Variants in KCNC2 observed in about 807,000 individuals in gnomAD.
KCNC2 encodes the protein potassium voltage-gated channel subfamily C member 2.
A neutral mutation model predicts 44.5 loss-of-function variants in KCNC2; 21 were observed. The observed-to-expected ratio is 0.47, with a 90% confidence interval of 0.33 to 0.68. The LOEUF (loss-of-function observed/expected upper bound fraction) is 0.68. KCNC2 is among the 30% of genes least tolerant of loss of function. The pLI, the probability that KCNC2 is intolerant of heterozygous loss-of-function variation, is 0.01. For synonymous variants in KCNC2, 391 were observed against 339.1 expected, an observed-to-expected ratio of 1.15 and a Z score of -1.68; for missense variants, 589 against 826.2, an observed-to-expected ratio of 0.71 and a Z score of 3.52.
chr12:75,045,426 T>C (rs1880378854), intron 4 of KCNC2, among the ~76,000 whole-genome samples: 1 of 151,988 alleles, frequency 6.6e-6, no homozygotes, highest in Non-Finnish European at 1.5e-5. Context: ...TGAAAAGGCT[T>C]CCTTTCTAAT....
At chr12:75,161,981 A>T (rs1421093145) in intron 2 of KCNC2, among the ~76,000 whole-genome samples, 2 of 151,720 alleles carry the variant, frequency 1.3e-5, no homozygotes, top group African/African-American at 4.8e-5. Context: ...TATATTCCCA[A>T]CATGTATACC....
intron 2 of KCNC2, among the ~76,000 whole-genome samples, chr12:75,205,586 C>T (rs1428366446): frequency 6.6e-6 from 1 of 152,036 alleles, no homozygotes; most frequent in East Asian, 1.9e-4. Flanking sequence ...ATCTGGCCTA[C>T]AATAAGATGT....
intron 2 of KCNC2, among the ~76,000 whole-genome samples, chr12:75,069,509 C>T (rs374618124): frequency 1.3e-4 from 20 of 152,018 alleles, no homozygotes; most frequent in African/African-American, 3.9e-4. Context: ...TGATTCATTC[C>T]GGCAGACTAA....
At chr12:75,081,677 G>T (rs909285338) in intron 2 of KCNC2, among the ~76,000 whole-genome samples, 4 of 151,964 alleles carry the variant, frequency 2.6e-5, no homozygotes, top group African/African-American at 9.6e-5. Context: ...CCAGATAATA[G>T]AGTCATACTT....
chr12:75,164,700 T>C (rs1891332264), intron 2 of KCNC2, among the ~76,000 whole-genome samples: 1 of 151,694 alleles, frequency 6.6e-6, no homozygotes. Flanking sequence ...CTGTAACAAC[T>C]GCTATTTCAT....
intron 2 of KCNC2, among the ~76,000 whole-genome samples, chr12:75,179,215 G>A (rs1892392265): frequency 6.6e-6 from 1 of 151,962 alleles, no homozygotes; most frequent in Non-Finnish European, 1.5e-5. Flanking sequence ...TAGGCTTTCT[G>A]CAGGAAATGA....
At chr12:75,057,685 G>A (rs1422626513) in intron 2 of KCNC2, among the ~76,000 whole-genome samples, 2 of 151,598 alleles carry the variant, frequency 1.3e-5, no homozygotes, top group South Asian at 2.1e-4. Context: ...TCCACATAAA[G>A]TGTTTCTATG....
chr12:75,122,609 A>G (rs970240676), intron 2 of KCNC2, among the ~76,000 whole-genome samples: 1 of 152,196 alleles, frequency 6.6e-6, no homozygotes, highest in Non-Finnish European at 1.5e-5. Context: ...GTCAAAGCAT[A>G]TGAAAATCTA....
At chr12:75,119,541 A>G (rs569174374) in intron 2 of KCNC2, among the ~76,000 whole-genome samples, 4 of 152,338 alleles carry the variant, frequency 2.6e-5, no homozygotes, top group South Asian at 4.1e-4. Flanking sequence ...ACTTAACCAT[A>G]ACGGGTGAAG....
chr12:75,097,083 G>A (rs992896091), intron 2 of KCNC2, among the ~76,000 whole-genome samples: 2 of 152,012 alleles, frequency 1.3e-5, no homozygotes, highest in Admixed American at 6.6e-5. Flanking sequence ...AAGGAAATGA[G>A]CCAACAAACC....
At chr12:75,181,174 A>C (rs1892547184) in intron 2 of KCNC2, among the ~76,000 whole-genome samples, 1 of 152,168 alleles carries the variant, frequency 6.6e-6, no homozygotes, top group African/African-American at 2.4e-5. Context: ...TTTAAAATGC[A>C]ACTTAGTTAG....
chr12:75,066,304 T>C (rs534014892), intron 2 of KCNC2, among the ~76,000 whole-genome samples: 1 of 152,300 alleles, frequency 6.6e-6, no homozygotes, highest in Non-Finnish European at 1.5e-5. Flanking sequence ...GCTTGAGCTA[T>C]ACAAAGTGCT....
At chr12:75,175,123 C>T (rs1227030055) in intron 2 of KCNC2, among the ~76,000 whole-genome samples, 1 of 151,868 alleles carries the variant, frequency 6.6e-6, no homozygotes, top group Non-Finnish European at 1.5e-5. Context: ...AGGATCAATG[C>T]AGACCACAAC....
At chr12:75,081,625 T>C (rs1884519911) in intron 2 of KCNC2, among the ~76,000 whole-genome samples, 1 of 152,026 alleles carries the variant, frequency 6.6e-6, no homozygotes, top group Non-Finnish European at 1.5e-5. Context: ...TAATAAATTT[T>C]CTCAGCTACC....
At chr12:75,056,872 A>C (rs942828576) in intron 2 of KCNC2, among the ~76,000 whole-genome samples, 7 of 152,062 alleles carry the variant, frequency 4.6e-5, no homozygotes, top group African/African-American at 1.7e-4. Flanking sequence ...CTGCAGAACA[A>C]CAATATGCAG....
intron 2 of KCNC2, among the ~76,000 whole-genome samples, chr12:75,052,879 T>C (rs1881331221): frequency 6.6e-6 from 1 of 152,154 alleles, no homozygotes; most frequent in Admixed American, 6.6e-5. Context: ...CTGTATAGTA[T>C]TCTAAGGCAG....
chr12:75,208,214 C>A (rs1014993466), intron 1 of KCNC2, among the ~76,000 whole-genome samples: 2 of 152,106 alleles, frequency 1.3e-5, no homozygotes, highest in Non-Finnish European at 2.9e-5. Context: ...ACAGAGATAG[C>A]AGTCCTAGTC....
chr12:75,140,314 A>T (rs1889551779), intron 2 of KCNC2: 1 of 152,198 alleles, frequency 6.6e-6, no homozygotes, highest in African/African-American at 2.4e-5. Flanking sequence ...AAAAAAAATC[A>T]TTAGACAAGG....
chr12:75,085,643 A>G (rs1446009942), intron 2 of KCNC2, among the ~76,000 whole-genome samples: 2 of 152,062 alleles, frequency 1.3e-5, no homozygotes, highest in East Asian at 1.9e-4. Context: ...TAGGTCACAC[A>G]TATCTTCAAT....
Sources: allele counts gnomAD v4.1 joint callset (sites outside exome capture counted in the v4.1 genomes callset), GRCh38; gene constraint gnomAD v4.1.1; transcripts MANE v1.5; gene names NCBI Gene and HGNC (gene_info 2026-07-23, HGNC 2026-07-21).